SCARA5: variants seen among roughly 807,000 people sequenced by gnomAD.
The protein encoded by SCARA5 is scavenger receptor class A member 5.
Under a neutral mutation model 46.3 loss-of-function variants are expected in SCARA5, and 45 were observed. The observed-to-expected ratio is 0.97, with a 90% CI of 0.76 to 1.24. The LOEUF is 1.24. SCARA5 is among the 50% of genes most tolerant of loss of function. The probability of loss-of-function intolerance (pLI) is 0.00; values close to 1 mark genes in which losing one functional copy is unlikely to be tolerated. For synonymous variants in SCARA5, 333 were observed against 306.5 expected, an observed-to-expected ratio of 1.09 and a Z score of -0.90; for missense variants, 680 against 689.0, an observed-to-expected ratio of 0.99 and a Z score of 0.15.
chr8:27,904,442 T>C lies in SCARA5; in HGVS notation c.1153+336A>G, dbSNP rs1206383341. 13 of 482,032 alleles carry C rather than the reference T, an allele frequency of 2.7e-5. 1 individual carries two copies. The East Asian group carries it at 3.8e-4, about 14-fold the overall frequency. The allele number at this position is 482,032 out of a possible 1,614,324, so 29.9% of individuals were successfully genotyped here. ...TCATTCAATTTTCACAATGACCTTA[T>C]AAGGTAAAGACTCCTGTTATCCCTA... On this transcript the variant is annotated intron_variant, in intron 7 of 8. Transcript: ENST00000354914.
intron 1 of SCARA5, among the ~76,000 whole-genome samples, chr8:27,991,379 C>T (rs892982331): frequency 1.8e-4 from 28 of 152,318 alleles, no homozygotes; most frequent in Non-Finnish European, 3.7e-4. Context: ...TGTCCAGGTT[C>T]CCAAGGCCTC....
intron 5 of SCARA5, among the ~76,000 whole-genome samples, chr8:27,908,334 T>A (rs1020691555): frequency 5.4e-5 from 8 of 147,104 alleles, no homozygotes; most frequent in African/African-American, 2.0e-4. Flanking sequence ...CTTGGCCACC[T>A]CCTGCGGTGA....
intron 3 of SCARA5, among the ~76,000 whole-genome samples, chr8:27,931,399 C>T (rs1807770526): frequency 6.6e-6 from 1 of 152,178 alleles, no homozygotes; most frequent in Non-Finnish European, 1.5e-5. Context: ...GCAGTCCCAC[C>T]TCCCACCACC....
intron 3 of SCARA5, among the ~76,000 whole-genome samples, chr8:27,928,432 A>G (rs754505598): frequency 7.2e-5 from 11 of 152,160 alleles, no homozygotes; most frequent in Non-Finnish European, 1.6e-4. Context: ...ACTTAATCCT[A>G]TTATAACCCT....
chr8:27,970,874 T>A (rs1163004836), intron 2 of SCARA5, among the ~76,000 whole-genome samples: 1 of 152,072 alleles, frequency 6.6e-6, no homozygotes, highest in African/African-American at 2.4e-5. Context: ...ATTAACAAAA[T>A]TTTGGCTTTT....
chr8:27,890,560 G>A (rs1806965520), intron 7 of SCARA5, among the ~76,000 whole-genome samples: 1 of 151,976 alleles, frequency 6.6e-6, no homozygotes, highest in South Asian at 2.1e-4. Flanking sequence ...GTGACTTTAT[G>A]AGCAAGCATG....
chr8:27,975,775 G>A (rs1193100850), intron 2 of SCARA5, among the ~76,000 whole-genome samples: 1 of 152,128 alleles, frequency 6.6e-6, no homozygotes, highest in African/African-American at 2.4e-5. Flanking sequence ...CCAGGCCTGA[G>A]TCCTCAGGGC....
chr8:27,984,556 T>G (rs949376368), intron 2 of SCARA5, among the ~76,000 whole-genome samples: 18 of 151,768 alleles, frequency 1.2e-4, no homozygotes, highest in Admixed American at 5.3e-4. Flanking sequence ...ATCCATCCAT[T>G]CATTCACCCA....
At chr8:27,910,569 G>A (rs141463414) in intron 4 of SCARA5, among the ~76,000 whole-genome samples, 40 of 152,344 alleles carry the variant, frequency 2.6e-4, no homozygotes, top group African/African-American at 9.4e-4. Flanking sequence ...ATCTGCACAT[G>A]AGGAAGACGG....
At chr8:27,953,569 G>C (rs991170324) in intron 3 of SCARA5, among the ~76,000 whole-genome samples, 2 of 152,228 alleles carry the variant, frequency 1.3e-5, no homozygotes, top group African/African-American at 4.8e-5. Flanking sequence ...TTGGGTTTGG[G>C]CCTGTTGAAT....
At position 27,871,744 on chromosome 8, in the gene SCARA5, T is replaced by TACTTCGG. The variant is rs1271447893; in HGVS notation, c.*183_*189dup. ...AGACGGGCAGTAGGTCCCAGAGTTA[T>TACTTCGG]ACTTCGGAGCACATGTTCAAGAGGG... On this transcript the variant is annotated 3_prime_UTR_variant, in exon 9 of 9. Coordinates refer to ENST00000354914, the MANE Select transcript of SCARA5 (RefSeq NM_173833.6). The TACTTCGG allele has an allele frequency of 1.4e-6, 2 of 1,433,000 alleles. No individual in the cohort carries two copies. The highest frequency in any genetic ancestry group is 1.8e-6 in the Non-Finnish European group (2 of 1,096,454). 88.8% of individuals were successfully genotyped at this position (1,433,000 alleles called of 1,614,324 possible). A position where few individuals can be genotyped will look rare whatever the true frequency, so the allele number is the denominator to read the frequency against.
chr8:27,987,108 G>A (rs900140529), intron 2 of SCARA5, among the ~76,000 whole-genome samples: 15 of 152,226 alleles, frequency 9.9e-5, no homozygotes, highest in Admixed American at 3.3e-4. Flanking sequence ...CCCCTCACGA[G>A]TGCTTCAGGA....
At chr8:27,988,904 G>T (rs553061454) in intron 1 of SCARA5, among the ~76,000 whole-genome samples, 125 of 152,200 alleles carry the variant, frequency 8.2e-4, no homozygotes, top group Non-Finnish European at 1.5e-3. Flanking sequence ...AGAGGAGGCT[G>T]GGAGGAGAGG....
intron 5 of SCARA5, among the ~76,000 whole-genome samples, chr8:27,907,572 C>CTTTTTTTTTTTTTTTTTTTTTT (rs144977060): frequency 2.3e-4 from 22 of 97,272 alleles, no homozygotes; most frequent in East Asian, 7.9e-4. Flanking sequence ...TCAGCAAACA[C>CTTTTTTTTTTTTTTTTTTTTTT]TTTTTTTTTT....
intron 2 of SCARA5, 76 bp downstream of exon 2, chr8:27,987,428 G>T: frequency 2.2e-6 from 2 of 929,630 alleles, no homozygotes; most frequent in South Asian, 1.3e-5. Context: ...GCAATGCCAA[G>T]GTTGGGTGGT....
chr8:27,948,258 G>A (rs1456244500), intron 3 of SCARA5, among the ~76,000 whole-genome samples: 1 of 152,018 alleles, frequency 6.6e-6, no homozygotes. Context: ...CCAGGGTGAG[G>A]GCGGTGACTT....
rs1318307473 is a variant in SCARA5 at position 27,871,901 on chromosome 8, G to A, written c.*33C>T. The A allele has an allele frequency of 6.2e-7, 1 of 1,613,194 alleles. No individual in the cohort carries two copies. The highest frequency in any genetic ancestry group is 8.5e-7 in the Non-Finnish European group (1 of 1,180,010). On this transcript the variant is annotated 3_prime_UTR_variant, in exon 9 of 9. Transcript: ENST00000354914. ...CCCAGGGATGCAGGAAGGGTGCTCTGTGCAGGACCCCGAACTTGGGCTCTG... is the reference window on the plus strand; with the variant it reads ...CCCAGGGATGCAGGAAGGGTGCTCTATGCAGGACCCCGAACTTGGGCTCTG...
Position 27,899,353 on chromosome 8 carries a change from T to C in SCARA5, c.1153+5425A>G, listed in dbSNP as rs1054049893. On this transcript the variant is annotated intron_variant, in intron 7 of 8. Transcript: ENST00000354914. The stretch of plus-strand genomic sequence containing the variant: ...TGGGAGTGAGCAGGGGAAATGAATC[T>C]TCATTTTCATTGCTCCACACCAGCT... Among the ~76,000 whole-genome samples the C allele has an allele frequency of 2.6e-4, 40 of 152,304 alleles. No homozygotes were observed. The Middle Eastern group carries it at 0.01, about 39-fold the overall frequency.
intron 2 of SCARA5, among the ~76,000 whole-genome samples, chr8:27,980,972 G>A (rs1808605586): frequency 6.6e-6 from 1 of 152,126 alleles, no homozygotes; most frequent in Admixed American, 6.5e-5. Flanking sequence ...GAGTCCCTGG[G>A]TGGCAGCAGC....
Sources: allele counts gnomAD v4.1 joint callset (sites outside exome capture counted in the v4.1 genomes callset), GRCh38; gene constraint gnomAD v4.1.1; transcripts MANE v1.5; gene names NCBI Gene and HGNC (gene_info 2026-07-23, HGNC 2026-07-21).